XXYLT1: variants seen among roughly 807,000 people sequenced by gnomAD.
XXYLT1 encodes the protein xyloside xylosyltransferase 1, also known as UDP-xylose:alpha-xyloside alpha-1,3-xylosyltransferase.
Under a neutral mutation model 28.9 loss-of-function variants are expected in XXYLT1, and 20 were observed. The ratio of observed to expected loss-of-function variants is 0.69; its 90% CI spans 0.49 to 1.00. The LOEUF (loss-of-function observed/expected upper bound fraction) is 1.00, where lower values mean the gene tolerates loss of function less well. Among genes scored for constraint, XXYLT1 ranks in the 50% least tolerant of loss-of-function variants. The probability of loss-of-function intolerance (pLI) is 0.00; values close to 1 mark genes in which losing one functional copy is unlikely to be tolerated. For missense variants in XXYLT1, 542 were observed against 560.1 expected, an observed-to-expected ratio of 0.97 and a Z score of 0.33; for synonymous variants, 257 against 253.8, an observed-to-expected ratio of 1.01 and a Z score of -0.12.
intron 3 of XXYLT1, among the ~76,000 whole-genome samples, chr3:195,114,928 G>A (rs576766681): frequency 2.0e-5 from 3 of 152,330 alleles, no homozygotes; most frequent in South Asian, 2.1e-4. Context: ...GGAAGACACC[G>A]GGGTCGGCCT....
rs754831468 is a variant in XXYLT1, at chr3:195,077,018, T to C, written c.786-6907A>G. On this transcript the variant is annotated intron_variant, in intron 3 of 3. Transcript: ENST00000310380. This position sits in a 1 kb window ranked among gnomAD's most constrained non-coding sequence, Gnocchi z 4.8. ...CCACAGCACTCTCCAGCAATGAAGA[T>C]GGAGAAAAACACCACAGCTCACTGG... 1.3e-5 allele frequency among the ~76,000 whole-genome samples: 2 copies of C among 152,178 alleles called. No homozygotes were observed. Among genetic ancestry groups the C allele is most frequent in the Non-Finnish European group, 2.9e-5 (2 of 68,032 alleles).
In XXYLT1 at chr3:195,270,656, C is replaced by A. The variant is rs753859042; in HGVS notation, c.403G>T (p.Glu135Ter). The change falls in exon 1 of 4, where the codon GAG becomes TAG. Residue 135 changes from glutamate (E) to a stop codon, truncating the protein, a stop_gained. Coordinates refer to ENST00000310380, the MANE Select transcript of XXYLT1 (RefSeq NM_152531.5). LOFTEE classifies it high-confidence loss of function. ...LLRLAKFEAH[E>*]VLNLHFVSEE... Reference sequence around the variant, plus strand: ...CTCACGAAGTGAAGGTTAAGCACCTCGTGCGCCTCGAACTTGGCGAGGCGC... The same window carrying A: ...CTCACGAAGTGAAGGTTAAGCACCTAGTGCGCCTCGAACTTGGCGAGGCGC... 3.3e-5 allele frequency: 52 copies of A among 1,578,842 alleles called. No individual in the cohort carries two copies. The highest frequency in any genetic ancestry group is 4.2e-5 in the Non-Finnish European group (49 of 1,168,190).
chr3:195,239,912 T>C (rs1188039233), intron 1 of XXYLT1, among the ~76,000 whole-genome samples: 1 of 152,214 alleles, frequency 6.6e-6, no homozygotes, highest in Non-Finnish European at 1.5e-5. Flanking sequence ...CCTAATGACA[T>C]TTCTCAAAGT....
At chr3:195,134,826 G>GGT (rs3073321) in intron 3 of XXYLT1, among the ~76,000 whole-genome samples, 2,940 of 145,560 alleles carry the variant, frequency 0.02, 31 homozygotes, top group Middle Eastern at 0.031. Flanking sequence ...CGTGAAGAGG[G>GGT]GTGTGTGTGT....
intron 2 of XXYLT1, among the ~76,000 whole-genome samples, chr3:195,185,964 C>T (rs964914969): frequency 1.3e-5 from 2 of 152,188 alleles, no homozygotes; most frequent in African/African-American, 2.4e-5. Context: ...GACCAGTCCA[C>T]AGCTTTCTGG....
At chr3:195,146,467 C>T (rs532602167) in intron 3 of XXYLT1, among the ~76,000 whole-genome samples, 6 of 152,348 alleles carry the variant, frequency 3.9e-5, no homozygotes, top group African/African-American at 7.2e-5. Context: ...TCCAGACCCA[C>T]GTCCCACTGC....
rs1724741126 is a variant in XXYLT1, at chr3:195,240,774, TG to T, written c.505-13919del. ...CTCTACCCAAGTCCAGCAATCCTGG[TG>T]CCCCTGCCAATGCTGAATCCACCTC... is the stretch of plus-strand genomic sequence containing the variant. On this transcript the variant is annotated intron_variant, in intron 1 of 3. Coordinates refer to ENST00000310380, the MANE Select transcript of XXYLT1 (RefSeq NM_152531.5). The surrounding 1 kb of genome is among the most constrained non-coding windows in gnomAD (Gnocchi z 4.7). Among the ~76,000 whole-genome samples the T allele has an allele frequency of 6.6e-6, 1 of 152,198 alleles. No individual in the cohort carries two copies. Among genetic ancestry groups the T allele is most frequent in the South Asian group, 2.1e-4 (1 of 4,836 alleles).
At chr3:195,202,132 G>C (rs572181848) in intron 2 of XXYLT1, among the ~76,000 whole-genome samples, 1 of 152,082 alleles carries the variant, frequency 6.6e-6, no homozygotes. Flanking sequence ...AGCCGAGATC[G>C]TGCCACTGCA....
chr3:195,246,981 T>A (rs1725048806), intron 1 of XXYLT1, among the ~76,000 whole-genome samples: 1 of 152,212 alleles, frequency 6.6e-6, no homozygotes, highest in African/African-American at 2.4e-5. Flanking sequence ...CATCTGTTTT[T>A]GGCACTCACT....
intron 1 of XXYLT1, among the ~76,000 whole-genome samples, chr3:195,250,196 G>C (rs1441250160): frequency 6.6e-6 from 1 of 152,180 alleles, no homozygotes; most frequent in Non-Finnish European, 1.5e-5. Context: ...GGGCTGCCCA[G>C]CCAGCTCCTT....
At chr3:195,253,929 T>C (rs1381218108) in intron 1 of XXYLT1, among the ~76,000 whole-genome samples, 4 of 152,312 alleles carry the variant, frequency 2.6e-5, no homozygotes, top group African/African-American at 4.8e-5. Context: ...TTCAACTATG[T>C]AGCCAATCAC....
Position 195,257,636 on chromosome 3 carries a change from C to T in XXYLT1, c.504+12919G>A, listed in dbSNP as rs1160840364. On this transcript the variant is annotated intron_variant, in intron 1 of 3. Transcript: ENST00000310380. The surrounding 1 kb of genome is among the most constrained non-coding windows in gnomAD (Gnocchi z 4.3). ...ACATCCTGGCTGGGCCGGCACGGGCCCCGTAGCTCTCCCTGTGGCTCCCGC... is the reference window on the plus strand; with the variant it reads ...ACATCCTGGCTGGGCCGGCACGGGCTCCGTAGCTCTCCCTGTGGCTCCCGC... Among the ~76,000 whole-genome samples, 1 of 152,084 alleles carries T rather than the reference C, an allele frequency of 6.6e-6. No homozygotes were observed. Among genetic ancestry groups the T allele is most frequent in the Non-Finnish European group, 1.5e-5 (1 of 68,014 alleles).
intron 3 of XXYLT1, among the ~76,000 whole-genome samples, chr3:195,123,805 G>A (rs1577055640): frequency 6.6e-6 from 1 of 152,292 alleles, no homozygotes; most frequent in East Asian, 1.9e-4. Flanking sequence ...CAGGGTCTGG[G>A]CCACTGCCCC....
intron 2 of XXYLT1, among the ~76,000 whole-genome samples, chr3:195,205,063 TTGCCAAACTCTGGAAAAGTC>T (rs1212878854): frequency 6.6e-6 from 1 of 152,202 alleles, no homozygotes; most frequent in Non-Finnish European, 1.5e-5. Context: ...TGTTGGGATT[TTGCCAAACTCTGGAAAAGTC>T]TGCCAAACTC....
At position 195,143,877 on chromosome 3, in the gene XXYLT1, T is replaced by TATATAGATATATATAGATATAGATATAG. The variant is rs1560117341; in HGVS notation, c.785+12571_785+12572insCTATATCTATATCTATATATATCTATAT. The stretch of plus-strand genomic sequence containing the variant: ...ATAGATATATATAGATATAGATATA[T>TATATAGATATATATAGATATAGATATAG]ATATATATATATTTATTTTTTATTT... On this transcript the variant is annotated intron_variant, in intron 3 of 3. Transcript: ENST00000310380. Among the ~76,000 whole-genome samples the TATATAGATATATATAGATATAGATATAG allele has an allele frequency of 2.4e-4, 31 of 127,504 alleles. 4 individuals carry two copies. The highest frequency in any genetic ancestry group is 9.3e-4 in the African/African-American group (31 of 33,480). 83.6% of individuals were successfully genotyped at this position (127,504 alleles called of 152,430 possible).
intron 3 of XXYLT1, among the ~76,000 whole-genome samples, chr3:195,130,121 C>CCAGT (rs1490639645): frequency 6.6e-6 from 1 of 152,226 alleles, no homozygotes; most frequent in East Asian, 1.9e-4. Context: ...GTCTCTCCTG[C>CCAGT]CATTCTGCCA....
In XXYLT1 at chr3:195,270,960, C is replaced by CAGCG; in HGVS notation, c.95_98dup (p.Val35GlyfsTer105). 1 of 1,488,538 alleles carries CAGCG rather than the reference C, an allele frequency of 6.7e-7. No homozygotes were observed. The highest frequency in any genetic ancestry group is 8.9e-7 in the Non-Finnish European group (1 of 1,122,114). The allele number at this position is 1,488,538 out of a possible 1,614,324, so 92.2% of individuals were successfully genotyped here. On this transcript the variant is annotated frameshift_variant, in exon 1 of 4. Transcript: ENST00000310380. LOFTEE classifies it high-confidence loss of function. ...CGAGGTAGTAGAAGGCGCAGACGGC[C>CAGCG]AGCGCCGCGGCCAGCAGCAGGGCGC...
Position 195,180,193 on chromosome 3 carries a change from G to A in XXYLT1, c.653-23612C>T, listed in dbSNP as rs1046175863. ...CTGTGTAGCAGGCCTGGGGTGGTCTGGCTTATGCACAGTCATTTCTAACGC... is the reference window on the plus strand; with the variant it reads ...CTGTGTAGCAGGCCTGGGGTGGTCTAGCTTATGCACAGTCATTTCTAACGC... On this transcript the variant is annotated intron_variant, in intron 2 of 3. Transcript: ENST00000310380. This position sits in a 1 kb window ranked among gnomAD's most constrained non-coding sequence, Gnocchi z 5.8. Among the ~76,000 whole-genome samples, 8 of 152,204 alleles carry A rather than the reference G, an allele frequency of 5.3e-5. No individual in the cohort carries two copies. Among genetic ancestry groups the A allele is most frequent in the African/African-American group, 1.9e-4 (8 of 41,452 alleles).
intron 3 of XXYLT1, among the ~76,000 whole-genome samples, chr3:195,070,628 A>G (rs1286943454): frequency 6.6e-6 from 1 of 152,202 alleles, no homozygotes; most frequent in Non-Finnish European, 1.5e-5. Flanking sequence ...GAAAAGGAGA[A>G]GGGAGAGAGA....
Sources: gnomAD v4.1 joint callset for allele counts (sites outside exome capture counted in the v4.1 genomes callset) on GRCh38, gnomAD v4.1.1 for gene constraint, Gnocchi (gnomAD v3.1) non-coding constraint, MANE v1.5 for transcripts, NCBI Gene and HGNC (gene_info 2026-07-23, HGNC 2026-07-21) for gene names.